EDIL3: variants seen among roughly 807,000 people sequenced by gnomAD.
The protein encoded by EDIL3 is EGF like and discoidin domains 3, also known as EGF-like repeat and discoidin I-like domain-containing protein 3.
In EDIL3, 37 loss-of-function variants were observed where a neutral mutation model predicts 67.4. The observed-to-expected ratio is 0.55, with a 90% CI of 0.42 to 0.72. EDIL3 has a LOEUF of 0.72. Ranked by LOEUF, EDIL3 falls within the 30% of genes least tolerant of loss-of-function variation. The pLI, the probability that EDIL3 is intolerant of heterozygous loss-of-function variation, is 0.00. For synonymous variants in EDIL3, 195 were observed against 196.3 expected (o/e 0.99, Z 0.05); for missense variants, 527 against 586.3 (o/e 0.90, Z 1.04).
intron 1 of EDIL3, among the ~76,000 whole-genome samples, chr5:84,362,363 C>T (rs1175087397): frequency 6.6e-6 from 1 of 152,072 alleles, no homozygotes; most frequent in Non-Finnish European, 1.5e-5. Context: ...GTATCTTCCT[C>T]ATTGTCAGTA....
At chr5:84,251,887 A>G (rs1745030621) in intron 2 of EDIL3, among the ~76,000 whole-genome samples, 1 of 152,182 alleles carries the variant, frequency 6.6e-6, no homozygotes, top group Admixed American at 6.5e-5. Context: ...TTCTTCCAAA[A>G]ACTCCTAAAT....
chr5:84,263,055 A>G (rs1194589467), intron 1 of EDIL3, among the ~76,000 whole-genome samples: 2 of 152,138 alleles, frequency 1.3e-5, no homozygotes, highest in Non-Finnish European at 2.9e-5. Flanking sequence ...GCCCATCTAT[A>G]TGCCACTAAG....
At chr5:84,374,266 G>A (rs1288847145) in intron 1 of EDIL3, among the ~76,000 whole-genome samples, 3 of 149,348 alleles carry the variant, frequency 2.0e-5, no homozygotes, top group Non-Finnish European at 3.0e-5. Flanking sequence ...ACAGAAGAAA[G>A]GAGTAAAAAA....
chr5:84,239,082 G>C (rs1333892643), intron 2 of EDIL3, among the ~76,000 whole-genome samples: 1 of 152,114 alleles, frequency 6.6e-6, no homozygotes, highest in Non-Finnish European at 1.5e-5. Context: ...CTCTCTCCCA[G>C]AGCTCACCTC....
At chr5:84,381,734 C>T (rs879830942) in intron 1 of EDIL3, among the ~76,000 whole-genome samples, 5 of 152,212 alleles carry the variant, frequency 3.3e-5, no homozygotes, top group African/African-American at 1.2e-4. Context: ...TAAGATGTCA[C>T]GTGCTTGCTG....
At chr5:84,380,895 G>GA (rs974179835) in intron 1 of EDIL3, among the ~76,000 whole-genome samples, 4 of 151,236 alleles carry the variant, frequency 2.6e-5, no homozygotes, top group South Asian at 2.1e-4. Flanking sequence ...TTTATTAGAA[G>GA]AAAAAAATCA....
chr5:84,051,760 A>T (rs1455761840), intron 9 of EDIL3, among the ~76,000 whole-genome samples: 1 of 152,212 alleles, frequency 6.6e-6, no homozygotes, highest in Non-Finnish European at 1.5e-5. Context: ...GTTTAGAGAA[A>T]AAAGAATAAA....
intron 1 of EDIL3, among the ~76,000 whole-genome samples, chr5:84,347,976 T>C (rs1227329974): frequency 6.6e-6 from 1 of 152,128 alleles, no homozygotes; most frequent in Non-Finnish European, 1.5e-5. Flanking sequence ...TCCCCAGTAA[T>C]AGACCAGAGA....
At chr5:84,106,567 T>A in intron 6 of EDIL3, 82 bp downstream of exon 6, 1 of 1,449,468 alleles carries the variant, frequency 6.9e-7, no homozygotes, top group Non-Finnish European at 9.1e-7. Flanking sequence ...CACACTGAGT[T>A]CCCTTTTGTC....
chr5:84,331,165 T>TA (rs1746863131), intron 1 of EDIL3, among the ~76,000 whole-genome samples: 1 of 152,196 alleles, frequency 6.6e-6, no homozygotes, highest in African/African-American at 2.4e-5. Flanking sequence ...TACAGGCTCA[T>TA]AGGTGGAAGG....
At chr5:84,273,114 T>C (rs1412588750) in intron 1 of EDIL3, among the ~76,000 whole-genome samples, 1 of 152,090 alleles carries the variant, frequency 6.6e-6, no homozygotes, top group Non-Finnish European at 1.5e-5. Context: ...CCAAACCCCA[T>C]GATATCCAGA....
At chr5:84,047,120 A>G (rs1746238175) in intron 9 of EDIL3, among the ~76,000 whole-genome samples, 1 of 152,142 alleles carries the variant, frequency 6.6e-6, no homozygotes, top group Non-Finnish European at 1.5e-5. Flanking sequence ...CCTCCAAACC[A>G]TAAAGGTTCC....
At chr5:84,198,632 T>C (rs1295796411) in intron 3 of EDIL3, among the ~76,000 whole-genome samples, 1 of 152,080 alleles carries the variant, frequency 6.6e-6, no homozygotes, top group Admixed American at 6.6e-5. Context: ...CCTAAAGTTG[T>C]CTCATGACAA....
At chr5:84,254,269 CA>C in intron 1 of EDIL3, 57 bp from the exon 2 acceptor site, 1 of 1,545,628 alleles carries the variant, frequency 6.5e-7, no homozygotes, top group Admixed American at 1.9e-5. Flanking sequence ...GACATTGAAA[CA>C]TACTAGTTTA....
intron 4 of EDIL3, among the ~76,000 whole-genome samples, chr5:84,166,334 TTTG>T (rs1748703118): frequency 6.6e-6 from 1 of 151,704 alleles, no homozygotes; most frequent in African/African-American, 2.4e-5. Context: ...TTTAAGAGTT[TTTG>T]TTTGTTTGTT....
At chr5:84,232,917 T>C (rs1169178519) in intron 2 of EDIL3, among the ~76,000 whole-genome samples, 1 of 152,210 alleles carries the variant, frequency 6.6e-6, no homozygotes, top group Non-Finnish European at 1.5e-5. Flanking sequence ...AGTTGCCTTA[T>C]TAATGACATT....
intron 9 of EDIL3, among the ~76,000 whole-genome samples, chr5:84,026,723 C>G (rs2112197897): frequency 6.6e-6 from 1 of 152,246 alleles, no homozygotes; most frequent in Middle Eastern, 3.4e-3. Context: ...TGCTTCAAAT[C>G]ATTTAAATAG....
At chr5:84,288,402 T>A (rs528007697) in intron 1 of EDIL3, among the ~76,000 whole-genome samples, 1 of 152,206 alleles carries the variant, frequency 6.6e-6, no homozygotes, top group South Asian at 2.1e-4. Flanking sequence ...GCAGCAAGAG[T>A]GATTTTGTTA....
At chr5:84,243,671 T>C (rs1398512265) in intron 2 of EDIL3, among the ~76,000 whole-genome samples, 1 of 152,190 alleles carries the variant, frequency 6.6e-6, no homozygotes, top group Non-Finnish European at 1.5e-5. Flanking sequence ...CAAGGATTAG[T>C]ACGTAAGAAA....
Sources: gnomAD v4.1 joint callset for allele counts (sites outside exome capture counted in the v4.1 genomes callset) on GRCh38, gnomAD v4.1.1 for gene constraint, MANE v1.5 for transcripts, NCBI Gene and HGNC (gene_info 2026-07-23, HGNC 2026-07-21) for gene names.